The following TSPAN15 variants were observed in gnomAD, a reference collection of about 807,000 sequenced individuals.
TSPAN15 encodes tetraspanin 15.
TSPAN15 carries 20 observed loss-of-function variants against 34.5 expected under a neutral mutation model. The observed-to-expected ratio is 0.58, with a 90% CI of 0.41 to 0.84. TSPAN15 has a LOEUF of 0.84. TSPAN15 is among the 40% of genes least tolerant of loss of function. The pLI is 0.00. For synonymous variants in TSPAN15, 155 were observed against 153.9 expected (o/e 1.01, Z -0.05); for missense variants, 313 against 386.1 (o/e 0.81, Z 1.59).
the TSPAN15 span, among the ~76,000 whole-genome samples, chr10:69,522,399 A>AG: frequency 7.5e-6 from 1 of 133,032 alleles, no homozygotes; most frequent in African/African-American, 2.8e-5. Flanking sequence ...AAAAAAAAAA[A>AG]AGAAGGTCAA....
At chr10:69,464,072 G>A (rs1841329507) in intron 1 of TSPAN15, among the ~76,000 whole-genome samples, 1 of 152,180 alleles carries the variant, frequency 6.6e-6, no homozygotes, top group Non-Finnish European at 1.5e-5. Flanking sequence ...TGTGCAGACA[G>A]GGGCAGACAA....
intron 1 of TSPAN15, among the ~76,000 whole-genome samples, chr10:69,462,850 T>C (rs75808756): frequency 0.13 from 20,223 of 152,178 alleles, 1,772 homozygotes; most frequent in Non-Finnish European, 0.18. Flanking sequence ...GCAAACACAG[T>C]TGGGAGAGGC....
chr10:69,491,266 G>C (rs1463945848), intron 3 of TSPAN15, among the ~76,000 whole-genome samples: 2 of 152,216 alleles, frequency 1.3e-5, no homozygotes, highest in Non-Finnish European at 2.9e-5. Context: ...GGCAATGAGG[G>C]TAAGTCCCCG....
rs744518 is a variant in TSPAN15, at chr10:69,462,737, G to A, written c.96+11047G>A. Among the ~76,000 whole-genome samples, 1,421 of 152,142 alleles carry A rather than the reference G, an allele frequency of 9.3e-3. 24 individuals are homozygous for A. The highest frequency in any genetic ancestry group is 0.032 in the African/African-American group (1,321 of 41,492). On this transcript the variant is annotated intron_variant, in intron 1 of 7. Transcript: ENST00000373290. ...GTAAGGGAATTCTGATGGTACTGGCGATTTCCAGGACACCTGTCTCTGCAG... is the reference window on the plus strand; with the variant it reads ...GTAAGGGAATTCTGATGGTACTGGCAATTTCCAGGACACCTGTCTCTGCAG...
In TSPAN15 at chr10:69,506,826, C is replaced by T. The variant is rs750450525; in HGVS notation, c.736-3C>T. On this transcript the variant is annotated splice_polypyrimidine_tract_variant and splice_region_variant and intron_variant, in intron 7 of 7. Transcript: ENST00000373290. This position sits in a 1 kb window ranked among gnomAD's most constrained non-coding sequence, Gnocchi z 4.7. ...CCTCACCAGCCCTGCCCCTTCTTCT[C>T]AGTTCCTGGGGGTGCTGCTGACGCT... The T allele has an allele frequency of 1.9e-5, 30 of 1,575,070 alleles. No homozygotes were observed. The highest frequency in any genetic ancestry group is 2.2e-5 in the Non-Finnish European group (25 of 1,160,242).
At chr10:69,477,538 G>A (rs1463249076) in intron 1 of TSPAN15, among the ~76,000 whole-genome samples, 3 of 152,118 alleles carry the variant, frequency 2.0e-5, no homozygotes, top group Non-Finnish European at 4.4e-5. Context: ...ACCTGTGGTC[G>A]AATTTAACTT....
At chr10:69,507,768 A>T, downstream of TSPAN15, 85 of 548,910 alleles carry the variant, frequency 1.5e-4, no homozygotes, top group Non-Finnish European at 2.1e-4. Context: ...AAGGGGGTGC[A>T]TGGGGTGAAG....
At chr10:69,530,052 G>GGT in the TSPAN15 span, among the ~76,000 whole-genome samples, 35 of 147,660 alleles carry the variant, frequency 2.4e-4, 7 homozygotes, top group East Asian at 6.7e-3. Context: ...AATATTCCAT[G>GGT]GTGTGTGTGT....
chr10:69,541,293 T>G, the TSPAN15 span, among the ~76,000 whole-genome samples: 2 of 152,170 alleles, frequency 1.3e-5, no homozygotes, highest in Non-Finnish European at 2.9e-5. Context: ...GGAGCCCACC[T>G]CTTGCATCAG....
At chr10:69,486,430 T>G (rs1841855037) in intron 3 of TSPAN15, among the ~76,000 whole-genome samples, 1 of 152,198 alleles carries the variant, frequency 6.6e-6, no homozygotes, top group Non-Finnish European at 1.5e-5. Context: ...TTATCTTTTT[T>G]TTTAAAAATA....
rs1357682432 is a variant in TSPAN15, at chr10:69,498,354, C to G, written c.528C>G (p.Pro176=). Residue 176 remains proline, a synonymous_variant, in exon 5 of 8, where the codon CCC becomes CCG. Transcript: ENST00000373290. ...NQYHDCSAPG[P]LACGVPYTCC... Reference sequence around the variant, plus strand: ...ACCACGACTGCAGTGCCCCTGGACCCCTGGCCTGTGGGGTGCCCTACACCT... The same window carrying G: ...ACCACGACTGCAGTGCCCCTGGACCGCTGGCCTGTGGGGTGCCCTACACCT... 8 of 1,613,974 alleles carry G rather than the reference C, an allele frequency of 5.0e-6. No individual in the cohort carries two copies. Among genetic ancestry groups the G allele is most frequent in the South Asian group, 2.2e-5 (2 of 91,056 alleles).
At chr10:69,486,121 G>A (rs1841848376) in intron 3 of TSPAN15, among the ~76,000 whole-genome samples, 1 of 152,242 alleles carries the variant, frequency 6.6e-6, no homozygotes, top group African/African-American at 2.4e-5. Context: ...GATCTGATGA[G>A]AGAATGCCTG....
rs115792305 is a variant in TSPAN15 at position 69,471,940 on chromosome 10, C to T, written c.97-11751C>T. Among the ~76,000 whole-genome samples the T allele has an allele frequency of 9.5e-3, 1,450 of 152,240 alleles. 29 individuals carry two copies. Among genetic ancestry groups the T allele is most frequent in the African/African-American group, 0.033 (1,378 of 41,530 alleles). On this transcript the variant is annotated intron_variant, in intron 1 of 7. Coordinates refer to ENST00000373290, the MANE Select transcript of TSPAN15 (RefSeq NM_012339.5). ...GCTAATAAATATTTAAAATAAGTCTCAGTTTTAATTTATGGTAAATAATTG... is the reference window on the plus strand; with the variant it reads ...GCTAATAAATATTTAAAATAAGTCTTAGTTTTAATTTATGGTAAATAATTG...
chr10:69,529,070 A>G, the TSPAN15 span, among the ~76,000 whole-genome samples: 13 of 148,226 alleles, frequency 8.8e-5, 2 homozygotes, highest in African/African-American at 3.2e-4. Flanking sequence ...CGGCTCTGCC[A>G]GATTTTCTCC....
Position 69,507,310 on chromosome 10 carries a change from TGGC to T in TSPAN15, c.*335_*337del. ...GCCCATTTCATCTCTGGCAGTGCCT[TGGC>T]GGTGGTATTCAAGGCAGTTTTGTAG... On this transcript the variant is annotated 3_prime_UTR_variant, in exon 8 of 8. Coordinates refer to ENST00000373290, the MANE Select transcript of TSPAN15 (RefSeq NM_012339.5). 4.8e-6 allele frequency: 6 copies of T among 1,252,574 alleles called. No individual in the cohort carries two copies. Among genetic ancestry groups the T allele is most frequent in the Non-Finnish European group, 6.1e-6 (6 of 985,992 alleles). 77.6% of individuals were successfully genotyped at this position (1,252,574 alleles called of 1,614,324 possible). A position where few individuals can be genotyped will look rare whatever the true frequency, so the allele number is the denominator to read the frequency against.
chr10:69,516,791 T>TC, the TSPAN15 span, among the ~76,000 whole-genome samples: 132 of 152,226 alleles, frequency 8.7e-4, no homozygotes, highest in Non-Finnish European at 1.6e-3. Context: ...ATGGTCAGTC[T>TC]CCCCCACTGA....
At chr10:69,501,854 G>A (rs1020097405) in intron 5 of TSPAN15, among the ~76,000 whole-genome samples, 1 of 152,186 alleles carries the variant, frequency 6.6e-6, no homozygotes, top group Non-Finnish European at 1.5e-5. Context: ...GAGTCGCATA[G>A]GAGTGTGAAC....
At chr10:69,487,785 G>A (rs955643709) in intron 3 of TSPAN15, among the ~76,000 whole-genome samples, 3 of 152,220 alleles carry the variant, frequency 2.0e-5, no homozygotes, top group Non-Finnish European at 4.4e-5. Context: ...GGGCCCTTCA[G>A]TGCTCACAGC....
At chr10:69,476,306 A>T (rs1025329451) in intron 1 of TSPAN15, among the ~76,000 whole-genome samples, 1 of 152,194 alleles carries the variant, frequency 6.6e-6, no homozygotes, top group Non-Finnish European at 1.5e-5. Context: ...AGCCCCAGGC[A>T]TATGTAGAAC....
Sources: gnomAD v4.1 joint callset for allele counts (sites outside exome capture counted in the v4.1 genomes callset) on GRCh38, gnomAD v4.1.1 for gene constraint, Gnocchi (gnomAD v3.1) non-coding constraint, MANE v1.5 for transcripts, NCBI Gene and HGNC (gene_info 2026-07-23, HGNC 2026-07-21) for gene names.